GPHN: variants seen among roughly 807,000 people sequenced by gnomAD.
The protein encoded by GPHN is gephyrin.
Under a neutral mutation model 95.5 loss-of-function variants are expected in GPHN, and 17 were observed. The observed-to-expected ratio is 0.18, with a 90% CI of 0.12 to 0.27. GPHN has a LOEUF of 0.27. GPHN is among the 10% of genes least tolerant of loss of function. The pLI is 1.00. For synonymous variants in GPHN, 320 were observed against 322.5 expected (o/e 0.99, Z 0.08); for missense variants, 660 against 978.1 (o/e 0.67, Z 4.34).
chr14:67,338,652 T>A, the GPHN span: 1 of 1,614,144 alleles, frequency 6.2e-7, no homozygotes, highest in Non-Finnish European at 8.5e-7. Context: ...GTCCTTCTCT[T>A]CAGCCAGAAG....
chr14:67,592,681 T>C, the GPHN span: 2 of 1,608,818 alleles, frequency 1.2e-6, no homozygotes, highest in African/African-American at 2.7e-5. Context: ...TTCCACTGGA[T>C]CTTTCAATAA....
intron 1 of GPHN, among the ~76,000 whole-genome samples, chr14:66,654,454 T>C (rs753169174): frequency 2.6e-5 from 4 of 152,212 alleles, no homozygotes; most frequent in Non-Finnish European, 5.9e-5. Context: ...ATTTTCCATC[T>C]GCAAATCCTC....
In GPHN at chr14:66,831,976, T is replaced by A. The variant is rs138053266; in HGVS notation, c.294+7410T>A. On this transcript the variant is annotated intron_variant, in intron 4 of 22. Coordinates refer to ENST00000478722, the MANE Select transcript of GPHN (RefSeq NM_020806.5). ...AGCCTGGCCAACATGGTGAAACCCA[T>A]GTCTACTAAAATACAAAAAAATTAG... Among the ~76,000 whole-genome samples, 49 of 152,154 alleles carry A rather than the reference T, an allele frequency of 3.2e-4. No homozygotes were observed. In the East Asian group the frequency reaches 7.6e-3, roughly 23 times the overall value.
the GPHN span, among the ~76,000 whole-genome samples, chr14:67,567,342 T>C: frequency 6.6e-6 from 1 of 152,194 alleles, no homozygotes; most frequent in African/African-American, 2.4e-5. Flanking sequence ...CAGTTAATCC[T>C]TAAAACAACC....
chr14:67,009,874 T>C (rs560890902), intron 9 of GPHN, among the ~76,000 whole-genome samples: 1 of 152,040 alleles, frequency 6.6e-6, no homozygotes, highest in East Asian at 2.0e-4. Context: ...TTCTCCTGCC[T>C]CAGCCTCCCG....
At chr14:66,928,641 T>G (rs2066615460) in intron 8 of GPHN, among the ~76,000 whole-genome samples, 1 of 152,166 alleles carries the variant, frequency 6.6e-6, no homozygotes, top group African/African-American at 2.4e-5. Context: ...TCTACTTTTT[T>G]GATGTAGGTG....
the GPHN span, among the ~76,000 whole-genome samples, chr14:67,506,562 G>A: frequency 0.013 from 2,046 of 152,332 alleles, 24 homozygotes; most frequent in Middle Eastern, 0.037. Flanking sequence ...AAGAGGTGAG[G>A]AAAATGTAAG....
intron 2 of GPHN, among the ~76,000 whole-genome samples, chr14:66,701,301 A>T (rs906838999): frequency 7.9e-5 from 12 of 152,224 alleles, no homozygotes; most frequent in African/African-American, 2.9e-4. Context: ...CTAAACAGAC[A>T]TCACTTTTTA....
intron 10 of GPHN, among the ~76,000 whole-genome samples, chr14:67,026,381 G>C (rs1325887395): frequency 6.6e-6 from 1 of 152,012 alleles, no homozygotes; most frequent in Non-Finnish European, 1.5e-5. Context: ...TTATTTTCTT[G>C]ATAATGATGA....
At chr14:67,168,905 T>C in intron 20 of GPHN, 28 bp from the exon 21 acceptor site, 1 of 1,391,258 alleles carries the variant, frequency 7.2e-7, no homozygotes, top group Non-Finnish European at 1.0e-6. Flanking sequence ...CACAGTGTAT[T>C]ATAAATAACT....
chr14:67,614,036 G>A, the GPHN span, among the ~76,000 whole-genome samples: 3 of 152,194 alleles, frequency 2.0e-5, no homozygotes, highest in Non-Finnish European at 4.4e-5. Context: ...TTGGGCTCAA[G>A]GGATCCTCCT....
the GPHN span, among the ~76,000 whole-genome samples, chr14:67,207,316 C>T: frequency 4.6e-5 from 7 of 152,042 alleles, no homozygotes; most frequent in Non-Finnish European, 1.5e-5. Flanking sequence ...GGAGCCAGCA[C>T]ATCACATGGC....
intron 3 of GPHN, among the ~76,000 whole-genome samples, chr14:66,784,978 A>G (rs1006331254): frequency 6.6e-6 from 1 of 152,246 alleles, no homozygotes; most frequent in Non-Finnish European, 1.5e-5. Context: ...CATTCTAAAG[A>G]AACTAATTTC....
At chr14:67,518,281 C>T in the GPHN span, among the ~76,000 whole-genome samples, 1 of 152,330 alleles carries the variant, frequency 6.6e-6, no homozygotes, top group South Asian at 2.1e-4. Flanking sequence ...GTTTTGAGTT[C>T]AGACTCTCCA....
chr14:66,922,055 TCAA>T (rs1221163426), intron 6 of GPHN, among the ~76,000 whole-genome samples: 1 of 151,976 alleles, frequency 6.6e-6, no homozygotes, highest in East Asian at 1.9e-4. Context: ...TATACAAAAA[TCAA>T]CTCAAGATGA....
chr14:66,912,575 T>C (rs995468304), intron 5 of GPHN, among the ~76,000 whole-genome samples: 1 of 152,176 alleles, frequency 6.6e-6, no homozygotes, highest in Non-Finnish European at 1.5e-5. Context: ...TATCAGACTT[T>C]CTTTTCTTTA....
chr14:66,854,000 C>T (rs2062699889), intron 4 of GPHN, among the ~76,000 whole-genome samples: 1 of 152,104 alleles, frequency 6.6e-6, no homozygotes. Flanking sequence ...CTAAAATCAA[C>T]AAATGAGAAA....
chr14:67,443,381 G>A, the GPHN span, among the ~76,000 whole-genome samples: 7 of 152,144 alleles, frequency 4.6e-5, no homozygotes, highest in Non-Finnish European at 7.3e-5. Flanking sequence ...CTACCACAAA[G>A]TATGTTTGCC....
At chr14:67,704,691 A>C in the GPHN span, among the ~76,000 whole-genome samples, 1 of 152,232 alleles carries the variant, frequency 6.6e-6, no homozygotes, top group Admixed American at 6.5e-5. Context: ...AGCTAAGGAA[A>C]GGTCTCACCC....
Sources: gnomAD v4.1 joint callset for allele counts (sites outside exome capture counted in the v4.1 genomes callset) on GRCh38, gnomAD v4.1.1 for gene constraint, MANE v1.5 for transcripts, NCBI Gene and HGNC (gene_info 2026-07-23, HGNC 2026-07-21) for gene names.